Variants in EVC2 observed in about 807,000 individuals in gnomAD.
EVC2 encodes the protein EvC ciliary complex subunit 2.
Under a neutral mutation model 149.3 loss-of-function variants are expected in EVC2, and 148 were observed. The ratio of observed to expected loss-of-function variants is 0.99; its 90% CI spans 0.87 to 1.14. The LOEUF (loss-of-function observed/expected upper bound fraction) is 1.14, where lower values mean the gene tolerates loss of function less well. Among genes scored for constraint, EVC2 ranks in the 50% most tolerant of loss-of-function variants. The pLI, the probability that EVC2 is intolerant of heterozygous loss-of-function variation, is 0.00. For missense variants in EVC2, 1,854 were observed against 1,627.3 expected (o/e 1.14, Z -2.40); for synonymous variants, 776 against 649.9 (o/e 1.19, Z -2.95).
Position 5,696,902 on chromosome 4 carries a change from T to C in EVC2, c.283+691A>G, listed in dbSNP as rs1577267944. On this transcript the variant is annotated intron_variant, in intron 2 of 21. Transcript: ENST00000344408. This position sits in a 1 kb window ranked among gnomAD's most constrained non-coding sequence, Gnocchi z 4.1. ...TAGGGTCTCAGATACTTTGCAAATG[T>C]GATTCCATTAAGGGCTTCGAGATGG... Among the ~76,000 whole-genome samples, 2 of 152,330 alleles carry C rather than the reference T, an allele frequency of 1.3e-5. No individual in the cohort carries two copies. Among genetic ancestry groups the C allele is most frequent in the East Asian group, 1.9e-4 (1 of 5,184 alleles).
intron 1 of EVC2, among the ~76,000 whole-genome samples, chr4:5,699,380 G>A (rs1195064270): frequency 6.6e-6 from 1 of 152,170 alleles, no homozygotes; most frequent in African/African-American, 2.4e-5. Flanking sequence ...AACATTCTAT[G>A]GAGTACCAGG....
chr4:5,556,342 A>G (rs551500281), intron 21 of EVC2, among the ~76,000 whole-genome samples: 39 of 152,200 alleles, frequency 2.6e-4, no homozygotes, highest in Admixed American at 4.6e-4. Context: ...TCTAAACAAC[A>G]CATGGGACAA....
chr4:5,650,630 TATATATATAG>T (rs1480993755), intron 9 of EVC2, among the ~76,000 whole-genome samples: 756 of 67,700 alleles, frequency 0.011, 1 homozygote, highest in African/African-American at 0.019. Flanking sequence ...TATATATATA[TATATATATAG>T]AGAGAGAGAG....
intron 8 of EVC2, among the ~76,000 whole-genome samples, chr4:5,664,993 GGGGTGACGGGATGCGTGT>G (rs371449115): frequency 6.7e-6 from 1 of 148,620 alleles, no homozygotes; most frequent in East Asian, 2.0e-4. Context: ...GGATGCATGT[GGGGTGACGGGATGCGTGT>G]GGGTGACGGG....
chr4:5,696,709 C>T lies in EVC2; in HGVS notation c.283+884G>A, dbSNP rs145602711. On this transcript the variant is annotated intron_variant, in intron 2 of 21. Coordinates refer to ENST00000344408, the MANE Select transcript of EVC2 (RefSeq NM_147127.5). This position sits in a 1 kb window ranked among gnomAD's most constrained non-coding sequence, Gnocchi z 4.1. ...CCGTAGGAGCATTGAGAACCTTGTGCTCCTGGGTCCAGCAGTGCCAGGGCC... is the reference window on the plus strand; with the variant it reads ...CCGTAGGAGCATTGAGAACCTTGTGTTCCTGGGTCCAGCAGTGCCAGGGCC... 4.8e-4 allele frequency among the ~76,000 whole-genome samples: 73 copies of T among 152,318 alleles called. No homozygotes were observed. The highest frequency in any genetic ancestry group is 1.7e-3 in the African/African-American group (70 of 41,564).
intron 16 of EVC2, among the ~76,000 whole-genome samples, chr4:5,604,345 G>A (rs935050969): frequency 1.3e-5 from 2 of 152,216 alleles, no homozygotes; most frequent in Non-Finnish European, 2.9e-5. Context: ...AAGTAGATAA[G>A]CAGTTGACTC....
chr4:5,615,354 T>C (rs1309878419), intron 16 of EVC2, 68 bp downstream of exon 16: 23 of 1,610,648 alleles, frequency 1.4e-5, no homozygotes, highest in Non-Finnish European at 1.1e-5. Context: ...TGCCTGCAAA[T>C]GTGTCAGCTA....
chr4:5,634,347 C>T (rs1348160029), intron 10 of EVC2, among the ~76,000 whole-genome samples: 10 of 152,194 alleles, frequency 6.6e-5, no homozygotes, highest in Non-Finnish European at 1.3e-4. Flanking sequence ...ACCGCAGGGG[C>T]ATTCCGCTAC....
chr4:5,553,530 A>G (rs1721779584), intron 21 of EVC2, among the ~76,000 whole-genome samples: 1 of 152,218 alleles, frequency 6.6e-6, no homozygotes, highest in Admixed American at 6.5e-5. Flanking sequence ...GTAGAGACAG[A>G]AAGTCTCTAT....
At chr4:5,623,891 T>A (rs1211135064) in intron 13 of EVC2, among the ~76,000 whole-genome samples, 1 of 152,184 alleles carries the variant, frequency 6.6e-6, no homozygotes, top group African/African-American at 2.4e-5. Context: ...GCGAGTTACT[T>A]AATACACATA....
chr4:5,693,175 C>T (rs187854818), intron 3 of EVC2, among the ~76,000 whole-genome samples: 37 of 152,188 alleles, frequency 2.4e-4, no homozygotes, highest in Admixed American at 7.9e-4. Flanking sequence ...GAGGGTGCTG[C>T]CCTGTGAGGT....
intron 19 of EVC2, among the ~76,000 whole-genome samples, chr4:5,571,845 G>C (rs779633561): frequency 6.6e-6 from 1 of 152,186 alleles, no homozygotes; most frequent in Non-Finnish European, 1.5e-5. Flanking sequence ...GAGGGAAGTC[G>C]ATGGCCTGTC....
chr4:5,568,375 C>A, intron 20 of EVC2, 69 bp downstream of exon 20: 1 of 1,463,076 alleles, frequency 6.8e-7, no homozygotes, highest in South Asian at 1.2e-5. Flanking sequence ...CTCCCATGAC[C>A]TTGAGGACTC....
At position 5,574,748 on chromosome 4, in the gene EVC2, A is replaced by G. The variant is rs763047884; in HGVS notation, c.3297T>C (p.Ser1099=). Residue 1099 remains serine (S), a synonymous_variant, in exon 19 of 22, where the codon AGT becomes AGC. Coordinates refer to ENST00000344408, the MANE Select transcript of EVC2 (RefSeq NM_147127.5). ...QQCLREEQQN[S]VVLEDLLENM... ...TTTCCAACAAGTCTTCTAGCACGACACTGTTCTGTTGTTCCTCTCTCAAAC... is the reference window on the plus strand; with the variant it reads ...TTTCCAACAAGTCTTCTAGCACGACGCTGTTCTGTTGTTCCTCTCTCAAAC... 4 of 1,614,156 alleles carry G rather than the reference A, an allele frequency of 2.5e-6. No individual in the cohort carries two copies. The highest frequency in any genetic ancestry group is 3.4e-6 in the Non-Finnish European group (4 of 1,180,024).
chr4:5,584,543 G>A, intron 17 of EVC2, 80 bp downstream of exon 17: 3 of 1,427,750 alleles, frequency 2.1e-6, no homozygotes, highest in Non-Finnish European at 1.9e-6. Context: ...GTTGCAGCCT[G>A]TTTCATAGAG....
intron 1 of EVC2, among the ~76,000 whole-genome samples, chr4:5,702,100 C>A (rs759610373): frequency 2.0e-5 from 3 of 152,186 alleles, no homozygotes; most frequent in Non-Finnish European, 2.9e-5. Context: ...CCATCCACAG[C>A]ATCCCATCTT....
At chr4:5,629,867 T>C (rs1372969656) in intron 11 of EVC2, among the ~76,000 whole-genome samples, 1 of 152,230 alleles carries the variant, frequency 6.6e-6, no homozygotes, top group Non-Finnish European at 1.5e-5. Context: ...AATTCAGAAT[T>C]GGTATCCTTA....
chr4:5,697,745 A>AAT, intron 1 of EVC2, 98 bp from the exon 2 acceptor site: 1 of 1,047,584 alleles, frequency 9.5e-7, no homozygotes, highest in Non-Finnish European at 1.4e-6. Context: ...GAGGACATGC[A>AAT]CTTTTTTTTT....
intron 21 of EVC2, among the ~76,000 whole-genome samples, chr4:5,556,106 G>A (rs1461901740): frequency 7.0e-6 from 1 of 143,082 alleles, no homozygotes; most frequent in Non-Finnish European, 1.5e-5. Context: ...TTGAAGCCAG[G>A]AGCCAGAGGT....
Sources: gnomAD v4.1 joint callset for allele counts (sites outside exome capture counted in the v4.1 genomes callset) on GRCh38, gnomAD v4.1.1 for gene constraint, Gnocchi (gnomAD v3.1) non-coding constraint, MANE v1.5 for transcripts, NCBI Gene and HGNC (gene_info 2026-07-23, HGNC 2026-07-21) for gene names.